The following IGF1R variants were observed in gnomAD, a reference collection of about 807,000 sequenced individuals.
The protein encoded by IGF1R is insulin-like growth factor 1 receptor.
IGF1R carries 44 observed loss-of-function variants against 144.6 expected under a neutral mutation model. That is an observed-to-expected ratio of 0.30 (90% CI 0.24 to 0.39). The LOEUF (loss-of-function observed/expected upper bound fraction) is 0.39. IGF1R is among the 10% of genes least tolerant of loss of function. The pLI is 1.00. For synonymous variants in IGF1R, 795 were observed against 722.8 expected (o/e 1.10, Z -1.60); for missense variants, 1,355 against 1,833.7 (o/e 0.74, Z 4.77).
chr15:98,854,171 G>A (rs926830090), intron 2 of IGF1R, among the ~76,000 whole-genome samples: 1 of 152,154 alleles, frequency 6.6e-6, no homozygotes, highest in African/African-American at 2.4e-5. Flanking sequence ...GTTTTGCCCC[G>A]GGGCCATGAG....
intron 2 of IGF1R, among the ~76,000 whole-genome samples, chr15:98,816,391 T>G (rs1454411836): frequency 6.6e-6 from 1 of 152,224 alleles, no homozygotes; most frequent in Non-Finnish European, 1.5e-5. Context: ...ATCCCCCTTT[T>G]CAGGGAGCCA....
At chr15:98,698,646 G>A (rs77191008) in intron 1 of IGF1R, among the ~76,000 whole-genome samples, 1 of 152,248 alleles carries the variant, frequency 6.6e-6, no homozygotes, top group Non-Finnish European at 1.5e-5. Context: ...ATGAACTAGA[G>A]TGATGCAGGG....
At chr15:98,748,667 T>TA (rs1412324080) in intron 2 of IGF1R, among the ~76,000 whole-genome samples, 1 of 152,208 alleles carries the variant, frequency 6.6e-6, no homozygotes, top group East Asian at 1.9e-4. Flanking sequence ...TTCTATGACT[T>TA]ATAATATTCA....
In IGF1R at chr15:98,963,528, G is replaced by A. The variant is rs1039525907; in HGVS notation, c.*6086G>A. The A allele has an allele frequency of 8.6e-6, 2 of 233,156 alleles. No individual in the cohort carries two copies. Among genetic ancestry groups the A allele is most frequent in the Non-Finnish European group, 1.7e-5 (2 of 118,060 alleles). 14.4% of individuals were successfully genotyped at this position (233,156 alleles called of 1,614,324 possible). ...GAGGTGTTGGAGCCCAGCAGTGCAT[G>A]GCACCGTTCGGCATCTGGCTTGATT... is the stretch of plus-strand genomic sequence containing the variant. On this transcript the variant is annotated 3_prime_UTR_variant, in exon 21 of 21. Transcript: ENST00000650285.
chr15:98,910,243 G>A (rs923661089), intron 6 of IGF1R, among the ~76,000 whole-genome samples: 13 of 152,178 alleles, frequency 8.5e-5, no homozygotes, highest in African/African-American at 3.1e-4. Context: ...CTTGCTCCCT[G>A]TTCAGATCAT....
intron 2 of IGF1R, among the ~76,000 whole-genome samples, chr15:98,761,576 T>C (rs549086545): frequency 1.4e-4 from 21 of 152,326 alleles, no homozygotes; most frequent in African/African-American, 4.8e-4. Context: ...TACCACTCAC[T>C]GTCACCTCCA....
chr15:98,652,642 TGAAA>T (rs1222691935), intron 1 of IGF1R, among the ~76,000 whole-genome samples: 2 of 152,110 alleles, frequency 1.3e-5, no homozygotes, highest in East Asian at 1.9e-4. Context: ...TCACAAAAAG[TGAAA>T]GAAGTCAGTC....
rs145278710 is a variant in IGF1R at position 98,691,989 on chromosome 15, G to A, written c.95-15573G>A. Among the ~76,000 whole-genome samples, 80 of 152,224 alleles carry A rather than the reference G, an allele frequency of 5.3e-4. 2 individuals are homozygous for A. In the South Asian group the frequency reaches 0.01, roughly 20 times the overall value. On this transcript the variant is annotated intron_variant, in intron 1 of 20. Transcript: ENST00000650285. Reference sequence around the variant, plus strand: ...TGCCCCATGTCCTCACTCAAGCTTGGTGTTATTAGATTGGTAATTTTTTTG... The same window carrying A: ...TGCCCCATGTCCTCACTCAAGCTTGATGTTATTAGATTGGTAATTTTTTTG...
chr15:98,911,196 A>G, intron 6 of IGF1R, 119 bp from the exon 7 acceptor site: 2 of 1,137,290 alleles, frequency 1.8e-6, no homozygotes, highest in Non-Finnish European at 1.3e-6. Flanking sequence ...GAGGAAGCCC[A>G]GAAGGGAACT....
intron 1 of IGF1R, among the ~76,000 whole-genome samples, chr15:98,703,357 C>T (rs1008967844): frequency 6.6e-6 from 1 of 152,216 alleles, no homozygotes; most frequent in Non-Finnish European, 1.5e-5. Context: ...TGAATTATTT[C>T]ATGGCACCAG....
At chr15:98,921,145 G>T (rs1004847131) in intron 10 of IGF1R, among the ~76,000 whole-genome samples, 1 of 152,202 alleles carries the variant, frequency 6.6e-6, no homozygotes, top group Admixed American at 6.5e-5. Flanking sequence ...GAAGGCCTCA[G>T]CCCTGTTTTC....
rs2052272920 is a variant in IGF1R at position 98,649,131 on chromosome 15, A to G, written c.-451A>G. The G allele has an allele frequency of 4.6e-6, 1 of 218,406 alleles. No homozygotes were observed. 13.5% of individuals were successfully genotyped at this position (218,406 alleles called of 1,614,324 possible). On this transcript the variant is annotated 5_prime_UTR_variant, in exon 1 of 21. Coordinates refer to ENST00000650285, the MANE Select transcript of IGF1R (RefSeq NM_000875.5). ...ACCCGGACTTCGGGGCGATCTTGCG[A>G]ACTGCGTCGCGCCCTCCCGCGGCGG...
rs542406332 is a variant in IGF1R at position 98,825,372 on chromosome 15, G to A, written c.641-65953G>A. On this transcript the variant is annotated intron_variant, in intron 2 of 20. Transcript: ENST00000650285. ...GTGTATAGCCCATGCTCATCTTTCCGTATACTTTAAACCAGGGATCCCCAA... is the reference window on the plus strand; with the variant it reads ...GTGTATAGCCCATGCTCATCTTTCCATATACTTTAAACCAGGGATCCCCAA... Among the ~76,000 whole-genome samples the A allele has an allele frequency of 5.3e-5, 8 of 152,150 alleles. No individual in the cohort carries two copies. The East Asian group carries it at 5.8e-4, about 11-fold the overall frequency.
intron 1 of IGF1R, among the ~76,000 whole-genome samples, chr15:98,703,010 G>A (rs2053774471): frequency 6.6e-6 from 1 of 152,062 alleles, no homozygotes; most frequent in South Asian, 2.1e-4. Flanking sequence ...GCCCCTGCCT[G>A]CCCCTCCCAA....
intron 2 of IGF1R, among the ~76,000 whole-genome samples, chr15:98,728,805 C>G (rs900033210): frequency 2.0e-5 from 3 of 152,202 alleles, no homozygotes; most frequent in African/African-American, 7.2e-5. Flanking sequence ...GAGAAGCCAG[C>G]ACCTTTATCC....
chr15:98,652,565 C>T (rs1026861169), intron 1 of IGF1R, among the ~76,000 whole-genome samples: 5 of 152,014 alleles, frequency 3.3e-5, no homozygotes, highest in East Asian at 1.9e-4. Context: ...TTTGATTTGT[C>T]GAAAAAGATT....
intron 2 of IGF1R, among the ~76,000 whole-genome samples, chr15:98,775,251 C>A (rs2055683155): frequency 6.6e-6 from 1 of 152,148 alleles, no homozygotes; most frequent in South Asian, 2.1e-4. Context: ...ATGGAAGGTG[C>A]CTTTTGTGTC....
Position 98,962,936 on chromosome 15 carries a change from A to G in IGF1R, c.*5494A>G, listed in dbSNP as rs2017281622. 4.3e-6 allele frequency: 1 copy of G among 233,596 alleles called. No individual in the cohort carries two copies. The highest frequency in any genetic ancestry group is 5.6e-5 in the Admixed American group (1 of 17,780). 14.5% of individuals were successfully genotyped at this position (233,596 alleles called of 1,614,324 possible). Reference sequence around the variant, plus strand: ...GTTTTGTTTCTGCGAGAACATAACGATCACTCATTTTTATGTCCCACGTGT... The same window carrying G: ...GTTTTGTTTCTGCGAGAACATAACGGTCACTCATTTTTATGTCCCACGTGT... On this transcript the variant is annotated 3_prime_UTR_variant, in exon 21 of 21. Transcript: ENST00000650285.
chr15:98,820,919 A>G (rs2056790164), intron 2 of IGF1R: 1 of 152,244 alleles, frequency 6.6e-6, no homozygotes. Flanking sequence ...GAAGTACCAC[A>G]ACATAAATTG....
Sources: gnomAD v4.1 joint callset for allele counts (sites outside exome capture counted in the v4.1 genomes callset) on GRCh38, gnomAD v4.1.1 for gene constraint, MANE v1.5 for transcripts, NCBI Gene and HGNC (gene_info 2026-07-23, HGNC 2026-07-21) for gene names.